SLC35F1: variants seen among roughly 807,000 people sequenced by gnomAD.
SLC35F1 encodes chromosome 6 open reading frame 169.
SLC35F1 carries 14 observed loss-of-function variants against 48.7 expected under a neutral mutation model. That is an observed-to-expected ratio of 0.29 (90% CI 0.19 to 0.45). SLC35F1 has a LOEUF of 0.45. Ranked by LOEUF, SLC35F1 falls within the 20% of genes least tolerant of loss-of-function variation. The pLI, the probability that SLC35F1 is intolerant of heterozygous loss-of-function variation, is 1.00. For missense variants in SLC35F1, 404 were observed against 500.0 expected, an observed-to-expected ratio of 0.81 and a Z score of 1.83; for synonymous variants, 190 against 202.2, an observed-to-expected ratio of 0.94 and a Z score of 0.51.
chr6:117,966,412 T>C (rs1254547384), intron 1 of SLC35F1, among the ~76,000 whole-genome samples: 2 of 151,788 alleles, frequency 1.3e-5, no homozygotes, highest in Admixed American at 6.6e-5. Context: ...GCAGCTTCAC[T>C]CCTGAAGACC....
At chr6:118,188,614 A>G (rs1283833616) in intron 2 of SLC35F1, among the ~76,000 whole-genome samples, 2 of 152,102 alleles carry the variant, frequency 1.3e-5, no homozygotes, top group Non-Finnish European at 2.9e-5. Context: ...TGGACAGTGC[A>G]TTGGTAATTC....
intron 2 of SLC35F1, among the ~76,000 whole-genome samples, chr6:118,184,212 G>T (rs767752675): frequency 6.6e-6 from 1 of 152,144 alleles, no homozygotes; most frequent in Non-Finnish European, 1.5e-5. Flanking sequence ...CACACATCCT[G>T]GTTGGCCTAC....
At chr6:118,156,237 A>T (rs955653149) in intron 2 of SLC35F1, among the ~76,000 whole-genome samples, 21 of 152,244 alleles carry the variant, frequency 1.4e-4, no homozygotes, top group African/African-American at 3.9e-4. Flanking sequence ...AGTGTCAAAA[A>T]AAAAAAGCAT....
intron 1 of SLC35F1, among the ~76,000 whole-genome samples, chr6:118,003,541 G>C (rs1343195391): frequency 6.6e-6 from 1 of 152,172 alleles, no homozygotes; most frequent in Non-Finnish European, 1.5e-5. Context: ...GGCATTTCTG[G>C]ATATAAGCTA....
At chr6:117,930,316 C>CA (rs1405718121) in intron 1 of SLC35F1, among the ~76,000 whole-genome samples, 10 of 152,138 alleles carry the variant, frequency 6.6e-5, no homozygotes, top group African/African-American at 2.4e-4. Context: ...ATTCTGCAGA[C>CA]AGGCTCCCTT....
chr6:118,285,035 C>T, intron 6 of SLC35F1, 149 bp from the exon 7 acceptor site: 4 of 761,970 alleles, frequency 5.2e-6, no homozygotes, highest in South Asian at 4.4e-5. Flanking sequence ...CTGTGTTATC[C>T]AATAATAAAC....
At chr6:118,137,830 C>T (rs1015970976) in intron 1 of SLC35F1, among the ~76,000 whole-genome samples, 10 of 152,186 alleles carry the variant, frequency 6.6e-5, no homozygotes, top group Non-Finnish European at 1.5e-5. Flanking sequence ...CTACCATAGT[C>T]TTGGGGAATC....
At chr6:118,301,071 G>T (rs914579637) in intron 7 of SLC35F1, among the ~76,000 whole-genome samples, 2 of 152,164 alleles carry the variant, frequency 1.3e-5, no homozygotes. Flanking sequence ...CTGGCTTTAT[G>T]TTGGAGGTCA....
chr6:117,975,981 T>A (rs1776700662), intron 1 of SLC35F1, among the ~76,000 whole-genome samples: 1 of 152,202 alleles, frequency 6.6e-6, no homozygotes, highest in African/African-American at 2.4e-5. Flanking sequence ...GTGGCAGTAG[T>A]ACAGAACATT....
intron 7 of SLC35F1, among the ~76,000 whole-genome samples, chr6:118,309,454 C>T (rs1776349567): frequency 6.6e-6 from 1 of 152,128 alleles, no homozygotes; most frequent in African/African-American, 2.4e-5. Flanking sequence ...GTACTTGGTA[C>T]ATGCATTCAA....
intron 1 of SLC35F1, among the ~76,000 whole-genome samples, chr6:118,000,408 C>T (rs1777074225): frequency 6.6e-6 from 1 of 152,134 alleles, no homozygotes. Flanking sequence ...ACGCTTCATG[C>T]TAAAAGCTCT....
chr6:117,958,798 T>C (rs1776459023), intron 1 of SLC35F1, among the ~76,000 whole-genome samples: 1 of 152,254 alleles, frequency 6.6e-6, no homozygotes, highest in African/African-American at 2.4e-5. Flanking sequence ...CACATGACTA[T>C]ATACTTCTTT....
intron 1 of SLC35F1, among the ~76,000 whole-genome samples, chr6:118,077,410 A>G (rs1046536702): frequency 2.9e-4 from 44 of 152,176 alleles, no homozygotes; most frequent in Non-Finnish European, 7.3e-5. Flanking sequence ...CAGTTTGACT[A>G]CTCTACAAGA....
chr6:118,119,247 A>G (rs925143606), intron 1 of SLC35F1, among the ~76,000 whole-genome samples: 25 of 152,094 alleles, frequency 1.6e-4, no homozygotes, highest in Admixed American at 8.5e-4. Context: ...AGCTGTAACA[A>G]TGTTTTCTTA....
chr6:118,109,750 C>G (rs530024972), intron 1 of SLC35F1, among the ~76,000 whole-genome samples: 2 of 152,168 alleles, frequency 1.3e-5, no homozygotes, highest in South Asian at 4.2e-4. Context: ...CAAACTATGC[C>G]AGACACACCA....
intron 1 of SLC35F1, among the ~76,000 whole-genome samples, chr6:117,965,886 G>T (rs1012855591): frequency 1.1e-4 from 16 of 152,244 alleles, no homozygotes; most frequent in Non-Finnish European, 1.3e-4. Flanking sequence ...ATGTCTAACT[G>T]ATCGGGTAGG....
intron 3 of SLC35F1, among the ~76,000 whole-genome samples, chr6:118,264,716 G>GT (rs537322530): frequency 3.9e-4 from 59 of 152,218 alleles, no homozygotes; most frequent in Non-Finnish European, 7.5e-4. Context: ...ATTCTGTAGT[G>GT]TGCAGCTAAA....
At chr6:118,046,180 C>A (rs1772297429) in intron 1 of SLC35F1, among the ~76,000 whole-genome samples, 1 of 152,142 alleles carries the variant, frequency 6.6e-6, no homozygotes, top group Non-Finnish European at 1.5e-5. Context: ...TAAAACTAGA[C>A]TAAATGAATA....
intron 3 of SLC35F1, among the ~76,000 whole-genome samples, chr6:118,261,818 T>C (rs938983836): frequency 2.6e-5 from 4 of 152,022 alleles, no homozygotes; most frequent in African/African-American, 9.7e-5. Flanking sequence ...TCTCTGCTTT[T>C]CCTAACTCCC....
Sources: allele counts gnomAD v4.1 joint callset (sites outside exome capture counted in the v4.1 genomes callset), GRCh38; gene constraint gnomAD v4.1.1; transcripts MANE v1.5; gene names NCBI Gene and HGNC (gene_info 2026-07-23, HGNC 2026-07-21).